Variants in CDCP1 observed in about 807,000 individuals in gnomAD.
CDCP1 encodes the protein CUB domain-containing protein 1.
CDCP1 carries 29 observed loss-of-function variants against 60.2 expected under a neutral mutation model. The ratio of observed to expected loss-of-function variants is 0.48; its 90% CI spans 0.36 to 0.66. The LOEUF (loss-of-function observed/expected upper bound fraction) is 0.66, where lower values mean the gene tolerates loss of function less well. Ranked by LOEUF, CDCP1 falls within the 30% of genes least tolerant of loss-of-function variation. The probability of loss-of-function intolerance (pLI) is 0.00; values close to 1 mark genes in which losing one functional copy is unlikely to be tolerated. For synonymous variants in CDCP1, 387 were observed against 431.1 expected (o/e 0.90, Z 1.27); for missense variants, 876 against 1,074.3 (o/e 0.82, Z 2.58).
At chr3:45,112,613 T>C (rs542125625) in intron 2 of CDCP1, among the ~76,000 whole-genome samples, 168 bp from the exon 3 acceptor site, 31 of 152,346 alleles carry the variant, frequency 2.0e-4, no homozygotes, top group Admixed American at 5.9e-4. Context: ...TAGTGGCCAA[T>C]GGCTCACAGA....
At chr3:45,115,905 A>T (rs542959378) in intron 2 of CDCP1, among the ~76,000 whole-genome samples, 1 of 152,302 alleles carries the variant, frequency 6.6e-6, no homozygotes, top group African/African-American at 2.4e-5. Context: ...CCTATCAAGG[A>T]ACATGGCATA....
At chr3:45,144,753 C>G (rs1699350999) in intron 1 of CDCP1, among the ~76,000 whole-genome samples, 1 of 152,214 alleles carries the variant, frequency 6.6e-6, no homozygotes, top group Admixed American at 6.5e-5. Flanking sequence ...GCATTTTTCT[C>G]AGCACACATA....
intron 5 of CDCP1, among the ~76,000 whole-genome samples, chr3:45,093,916 C>T (rs1369693824): frequency 6.6e-6 from 1 of 152,114 alleles, no homozygotes; most frequent in Non-Finnish European, 1.5e-5. Flanking sequence ...GAAATTTCCT[C>T]TCCTTTTTTG....
At chr3:45,144,811 T>A (rs988056378) in intron 1 of CDCP1, among the ~76,000 whole-genome samples, 3 of 152,164 alleles carry the variant, frequency 2.0e-5, no homozygotes, top group African/African-American at 7.2e-5. Context: ...TTCTTTTTCT[T>A]CAAAGGGAAT....
At chr3:45,111,430 C>T (rs1363222443) in intron 3 of CDCP1, among the ~76,000 whole-genome samples, 1 of 152,196 alleles carries the variant, frequency 6.6e-6, no homozygotes, top group Non-Finnish European at 1.5e-5. Flanking sequence ...AATCCCAGCA[C>T]TTTGGGAGGC....
chr3:45,094,270 G>T (rs1698357727), intron 5 of CDCP1, among the ~76,000 whole-genome samples: 1 of 151,968 alleles, frequency 6.6e-6, no homozygotes, highest in Admixed American at 6.6e-5. Context: ...CTATTGCCCA[G>T]GCTGGAGTGA....
chr3:45,091,667 G>A lies in CDCP1; in HGVS notation c.1628-129C>T. On this transcript the variant is annotated intron_variant, in intron 6 of 8. Transcript: ENST00000296129. The surrounding 1 kb of genome is among the most constrained non-coding windows in gnomAD (Gnocchi z 4.8). ...GTCTAACCGAACTTTCTGCGATGAT[G>A]GAAATCTTCTAGATCTGCACCATCT... is the stretch of plus-strand genomic sequence containing the variant. 2.6e-6 allele frequency: 3 copies of A among 1,159,556 alleles called. No homozygotes were observed. The highest frequency in any genetic ancestry group is 3.5e-6 in the Non-Finnish European group (3 of 846,910). 71.8% of individuals were successfully genotyped at this position (1,159,556 alleles called of 1,614,324 possible).
chr3:45,101,755 G>C (rs544093773), intron 4 of CDCP1, among the ~76,000 whole-genome samples: 1 of 151,846 alleles, frequency 6.6e-6, no homozygotes, highest in Admixed American at 6.6e-5. Context: ...GCATGGTGGC[G>C]CATGCCTGTA....
intron 1 of CDCP1, among the ~76,000 whole-genome samples, chr3:45,140,437 G>C (rs1359241210): frequency 3.9e-5 from 6 of 152,204 alleles, no homozygotes; most frequent in African/African-American, 1.4e-4. Flanking sequence ...TCAGGGAACA[G>C]TTTTAATTTT....
At position 45,110,480 on chromosome 3, in the gene CDCP1, A is replaced by G. The variant is rs537603950; in HGVS notation, c.1017T>C (p.Asn339=). The change falls in exon 4 of 9, where the codon AAT becomes AAC. Residue 339 remains asparagine (N), a synonymous_variant. Coordinates refer to ENST00000296129, the MANE Select transcript of CDCP1 (RefSeq NM_022842.5). ...AAAGTGGGGCTCACTCACTGCTTTC[A>G]TTTTGTGGATGTTGGACCAAAACTT... ...QFQVLVQHPQ[N]ESNKIYVVDL... 22 of 1,613,982 alleles carry G rather than the reference A, an allele frequency of 1.4e-5. No homozygotes were observed. The African/African-American group carries it at 2.7e-4, about 20-fold the overall frequency.
chr3:45,118,575 G>A lies in CDCP1; in HGVS notation c.129C>T (p.Leu43=). ...ALPRESNITV[L]IKLGTPTLLA... ...GCAGAGTCGGGGTCCCCAGCTTTAT[G>A]AGAACTGTAATGTTGCTTTCTCGTG... Residue 43 remains leucine, a synonymous_variant, in exon 2 of 9, where the codon CTC becomes CTT. Transcript: ENST00000296129. 1.2e-6 allele frequency: 2 copies of A among 1,614,102 alleles called. No individual in the cohort carries two copies. Among genetic ancestry groups the A allele is most frequent in the East Asian group, 2.2e-5 (1 of 44,880 alleles).
chr3:45,140,335 A>G (rs765995292), intron 1 of CDCP1, among the ~76,000 whole-genome samples: 2 of 152,254 alleles, frequency 1.3e-5, no homozygotes, highest in Non-Finnish European at 2.9e-5. Context: ...TGCATTTGGC[A>G]CATTTCTCCC....
chr3:45,119,008 C>A (rs1399246593), intron 1 of CDCP1, among the ~76,000 whole-genome samples: 1 of 152,150 alleles, frequency 6.6e-6, no homozygotes, highest in Non-Finnish European at 1.5e-5. Flanking sequence ...AGAAACCATC[C>A]ATCATAGGGA....
chr3:45,087,670 CTTG>C (rs1698218068), intron 8 of CDCP1, among the ~76,000 whole-genome samples: 1 of 152,184 alleles, frequency 6.6e-6, no homozygotes, highest in African/African-American at 2.4e-5. Context: ...TGTAGACAGT[CTTG>C]TTGTAGACTA....
chr3:45,118,678 T>C (rs1698833769), intron 1 of CDCP1, 57 bp from the exon 2 acceptor site: 1 of 1,425,042 alleles, frequency 7.0e-7, no homozygotes, highest in African/African-American at 1.4e-5. Flanking sequence ...CAAACTGCTG[T>C]GGTCCCCGAC....
At chr3:45,088,705 G>A (rs923445400) in intron 8 of CDCP1, among the ~76,000 whole-genome samples, 1 of 152,128 alleles carries the variant, frequency 6.6e-6, no homozygotes, top group African/African-American at 2.4e-5. Context: ...GGTTTCAGAG[G>A]CACAGTCTGG....
chr3:45,120,979 G>A (rs1698872456), intron 1 of CDCP1, among the ~76,000 whole-genome samples: 1 of 152,062 alleles, frequency 6.6e-6, no homozygotes, highest in African/African-American at 2.4e-5. Flanking sequence ...GAGGCAGCAG[G>A]AACTTGCCCG....
intron 1 of CDCP1, among the ~76,000 whole-genome samples, chr3:45,133,763 A>G (rs1230090130): frequency 1.3e-5 from 2 of 148,966 alleles, no homozygotes; most frequent in African/African-American, 2.6e-5. Flanking sequence ...GCCCTCCAAG[A>G]CAGAAGTCTC....
At chr3:45,124,173 C>T (rs1435558421) in intron 1 of CDCP1, among the ~76,000 whole-genome samples, 1 of 152,148 alleles carries the variant, frequency 6.6e-6, no homozygotes, top group Non-Finnish European at 1.5e-5. Context: ...ATTTCTTCTC[C>T]CTGCCATCCT....
Sources: gnomAD v4.1 joint callset for allele counts (sites outside exome capture counted in the v4.1 genomes callset) on GRCh38, gnomAD v4.1.1 for gene constraint, Gnocchi (gnomAD v3.1) non-coding constraint, MANE v1.5 for transcripts, NCBI Gene and HGNC (gene_info 2026-07-23, HGNC 2026-07-21) for gene names.